SLC3A1: variants seen among roughly 807,000 people sequenced by gnomAD.
The protein encoded by SLC3A1 is solute carrier family 3 member 1, also known as amino acid transporter heavy chain SLC3A1.
Under a neutral mutation model 60.3 loss-of-function variants are expected in SLC3A1, and 78 were observed. The observed-to-expected ratio is 1.29, with a 90% CI of 1.08 to 1.56. The LOEUF is 1.56. Ranked by LOEUF, SLC3A1 falls within the 40% of genes most tolerant of loss-of-function variation. SLC3A1 has a pLI of 0.00. For missense variants in SLC3A1, 1,172 were observed against 858.9 expected (o/e 1.36, Z -4.56); for synonymous variants, 392 against 307.9 (o/e 1.27, Z -2.86).
chr2:44,297,060 C>T (rs1417931506), intron 4 of SLC3A1, among the ~76,000 whole-genome samples: 1 of 152,194 alleles, frequency 6.6e-6, no homozygotes, highest in Non-Finnish European at 1.5e-5. Flanking sequence ...AGCATGAGAA[C>T]AAACTCTAAT....
chr2:44,312,655 C>T lies in SLC3A1; in HGVS notation c.1402C>T (p.Leu468Phe). The change falls in exon 8 of 10, where the codon CTT (leucine) becomes TTT (phenylalanine). Residue 468 changes from leucine to phenylalanine, a missense_variant. By Grantham distance (22) the Leu-to-Phe change is conservative (BLOSUM62 0). Transcript: ENST00000260649. ...GNQYVNVMNM[L>F]LFTLPGTPIT... is the part of the protein sequence containing the mutation. ...TCAGTATGTCAACGTGATGAACATG[C>T]TTCTTTTCACACTCCCTGGAACTCC... 1.2e-6 allele frequency: 2 copies of T among 1,613,782 alleles called. No individual in the cohort carries two copies. Among genetic ancestry groups the T allele is most frequent in the South Asian group, 2.2e-5 (2 of 91,076 alleles).
Position 44,320,580 on chromosome 2 carries a change from T to C in SLC3A1, c.1999T>C (p.Phe667Leu). Reference sequence around the variant, plus strand: ...CCAAACAGCTTTCAGAGATAGATGCTTTGTTTCCAATCGAGCATGCTATTC... The same window carrying C: ...CCAAACAGCTTTCAGAGATAGATGCCTTGTTTCCAATCGAGCATGCTATTC... ...HRQTAFRDRC[F>L]VSNRACYSSV... Residue 667 changes from phenylalanine (F) to leucine (L), a missense_variant, in exon 10 of 10, where the codon TTT becomes CTT. Coordinates refer to ENST00000260649, the MANE Select transcript of SLC3A1 (RefSeq NM_000341.4). The C allele has an allele frequency of 6.2e-7, 1 of 1,614,056 alleles. No homozygotes were observed.
chr2:44,287,186 T>C (rs1413085088), intron 4 of SLC3A1, among the ~76,000 whole-genome samples: 1 of 152,108 alleles, frequency 6.6e-6, no homozygotes, highest in Non-Finnish European at 1.5e-5. Flanking sequence ...AATTAGCCAC[T>C]AAATATATAT....
At chr2:44,298,470 T>C (rs1671913504) in intron 4 of SLC3A1, among the ~76,000 whole-genome samples, 2 of 151,978 alleles carry the variant, frequency 1.3e-5, no homozygotes, top group Non-Finnish European at 2.9e-5. Flanking sequence ...CCTCCGATTT[T>C]TAGGTTCAAG....
intron 7 of SLC3A1, among the ~76,000 whole-genome samples, chr2:44,305,423 CTTACTTT>C: frequency 7.8e-6 from 1 of 128,754 alleles, no homozygotes; most frequent in Non-Finnish European, 1.6e-5. Flanking sequence ...CCTTTCTTTT[CTTACTTT>C]TTTTTTTTTT....
chr2:44,311,124 G>C (rs1672285755), intron 7 of SLC3A1, among the ~76,000 whole-genome samples: 1 of 152,038 alleles, frequency 6.6e-6, no homozygotes, highest in Admixed American at 6.6e-5. Context: ...TGGTTCTCAG[G>C]CCAGATACTC....
chr2:44,295,233 G>C (rs140687495), intron 4 of SLC3A1, among the ~76,000 whole-genome samples: 1 of 152,126 alleles, frequency 6.6e-6, no homozygotes, highest in Non-Finnish European at 1.5e-5. Flanking sequence ...TCAGAGCAGC[G>C]AGCTATTTAA....
intron 5 of SLC3A1, among the ~76,000 whole-genome samples, chr2:44,300,686 A>T (rs1671981708): frequency 6.6e-6 from 1 of 152,176 alleles, no homozygotes; most frequent in Non-Finnish European, 1.5e-5. Context: ...AACCACTAAG[A>T]TCTTTTTTTT....
chr2:44,309,873 C>T (rs1455509145), intron 7 of SLC3A1, among the ~76,000 whole-genome samples: 3 of 152,134 alleles, frequency 2.0e-5, no homozygotes, highest in Admixed American at 6.5e-5. Flanking sequence ...GCTGGGATTA[C>T]AGGCATAAGC....
intron 4 of SLC3A1, among the ~76,000 whole-genome samples, chr2:44,294,760 T>A (rs1166835971): frequency 6.6e-6 from 1 of 152,178 alleles, no homozygotes; most frequent in East Asian, 1.9e-4. Context: ...TTTCTGAACA[T>A]GAGTAGGGTC....
rs559781189 is a variant in SLC3A1 at position 44,278,190 on chromosome 2, A to G, written c.430+2225A>G. On this transcript the variant is annotated intron_variant, in intron 1 of 9. Transcript: ENST00000260649. ...CCAGGCGTGGTGGCTCACGCCTGTA[A>G]TCCCAGCACTTTGGGAGGCCGAGGC... Among the ~76,000 whole-genome samples the G allele has an allele frequency of 5.6e-3, 850 of 152,156 alleles. 9 individuals are homozygous for G. The highest frequency in any genetic ancestry group is 0.02 in the African/African-American group (811 of 41,490).
chr2:44,292,100 A>G (rs1265939744), intron 4 of SLC3A1, among the ~76,000 whole-genome samples: 1 of 152,104 alleles, frequency 6.6e-6, no homozygotes, highest in African/African-American at 2.4e-5. Flanking sequence ...AGGTGAAGTA[A>G]CCCAGCGGGT....
At chr2:44,312,812 A>G in intron 8 of SLC3A1, 59 bp downstream of exon 8, 2 of 1,462,278 alleles carry the variant, frequency 1.4e-6, no homozygotes, top group South Asian at 2.4e-5. Flanking sequence ...TTCATTTTTT[A>G]TTTTTTGCCA....
In SLC3A1 at chr2:44,301,143, T is replaced by C; in HGVS notation, c.1136+16T>C. On this transcript the variant is annotated intron_variant, in intron 6 of 9. Coordinates refer to ENST00000260649, the MANE Select transcript of SLC3A1 (RefSeq NM_000341.4). ...GCAGATACAGGTTGACCACGGCATA[T>C]GCTCTCATTTCTTCCCAGGCTTAGT... 6.2e-7 allele frequency: 1 copy of C among 1,614,174 alleles called. No individual in the cohort carries two copies.
rs200592320 is a variant in SLC3A1 at position 44,320,407 on chromosome 2, A to G, written c.1826A>G (p.Asn609Ser). 3.0e-5 allele frequency: 49 copies of G among 1,614,070 alleles called. No individual in the cohort carries two copies. The East Asian group carries it at 9.8e-4, about 32-fold the overall frequency. ...FGESTLLNLHNMISGLPAKMR... is the reference protein window; with the variant it reads ...FGESTLLNLHSMISGLPAKMR... The stretch of plus-strand genomic sequence containing the variant: ...GAATCAACACTGTTAAATCTACATA[A>G]TATGATTTCGGGCCTTCCCGCTAAA... Residue 609 changes from asparagine to serine, a missense_variant, in exon 10 of 10, where the codon AAT becomes AGT. Coordinates refer to ENST00000260649, the MANE Select transcript of SLC3A1 (RefSeq NM_000341.4).
At position 44,301,147 on chromosome 2, in the gene SLC3A1, C is replaced by G. The variant is rs1221374376; in HGVS notation, c.1136+20C>G. 2.5e-6 allele frequency: 4 copies of G among 1,614,108 alleles called. No homozygotes were observed. The highest frequency in any genetic ancestry group is 1.1e-5 in the South Asian group (1 of 91,082). On this transcript the variant is annotated intron_variant, in intron 6 of 9. Transcript: ENST00000260649. Reference sequence around the variant, plus strand: ...ATACAGGTTGACCACGGCATATGCTCTCATTTCTTCCCAGGCTTAGTGTGT... The same window carrying G: ...ATACAGGTTGACCACGGCATATGCTGTCATTTCTTCCCAGGCTTAGTGTGT...
At chr2:44,316,089 T>A (rs1672438999) in intron 9 of SLC3A1, among the ~76,000 whole-genome samples, 1 of 152,072 alleles carries the variant, frequency 6.6e-6, no homozygotes, top group South Asian at 2.1e-4. Context: ...CACATCCAAC[T>A]TGGCTTCCCA....
chr2:44,321,505 T>G, downstream of SLC3A1: 1 of 1,576,244 alleles, frequency 6.3e-7, no homozygotes, highest in Middle Eastern at 1.9e-4. Flanking sequence ...TGCCACTGTT[T>G]AAGCTTCTCT....
At chr2:44,292,350 T>C (rs913433437) in intron 4 of SLC3A1, among the ~76,000 whole-genome samples, 1 of 152,098 alleles carries the variant, frequency 6.6e-6, no homozygotes, top group Non-Finnish European at 1.5e-5. Flanking sequence ...TGATTAGCCA[T>C]CTCTATGCTT....
Sources: gnomAD v4.1 joint callset for allele counts (sites outside exome capture counted in the v4.1 genomes callset) on GRCh38, gnomAD v4.1.1 for gene constraint, MANE v1.5 for transcripts, NCBI Gene and HGNC (gene_info 2026-07-23, HGNC 2026-07-21) for gene names.